Variants in MAP3K5 observed in about 807,000 individuals in gnomAD.
MAP3K5 encodes mitogen-activated protein kinase kinase kinase 5, also known as ASK-1.
In MAP3K5, 56 loss-of-function variants were observed where a neutral mutation model predicts 158.7. The ratio of observed to expected loss-of-function variants is 0.35; its 90% CI spans 0.28 to 0.44. The LOEUF is 0.44. Ranked by LOEUF, MAP3K5 falls within the 20% of genes least tolerant of loss-of-function variation. MAP3K5 has a pLI of 1.00. For synonymous variants in MAP3K5, 579 were observed against 601.7 expected (o/e 0.96, Z 0.55); for missense variants, 1,294 against 1,674.8 (o/e 0.77, Z 3.97).
At chr6:136,746,525 A>C (rs925513591) in intron 1 of MAP3K5, among the ~76,000 whole-genome samples, 1 of 152,220 alleles carries the variant, frequency 6.6e-6, no homozygotes, top group Non-Finnish European at 1.5e-5. Flanking sequence ...CACAATTGAA[A>C]GTGGTATGCA....
At chr6:136,681,375 T>C (rs1448792926) in intron 7 of MAP3K5, among the ~76,000 whole-genome samples, 1 of 152,200 alleles carries the variant, frequency 6.6e-6, no homozygotes, top group Non-Finnish European at 1.5e-5. Context: ...GGTTCACGAC[T>C]GTAATCCCAG....
intron 7 of MAP3K5, among the ~76,000 whole-genome samples, chr6:136,677,338 C>T (rs534649246): frequency 3.2e-4 from 49 of 151,616 alleles, no homozygotes; most frequent in Non-Finnish European, 1.3e-4. Context: ...AGGGTTTCAC[C>T]GTGTTAACCA....
intron 10 of MAP3K5, among the ~76,000 whole-genome samples, chr6:136,655,434 T>C (rs1778699685): frequency 1.3e-5 from 2 of 152,242 alleles, no homozygotes; most frequent in Admixed American, 6.5e-5. Flanking sequence ...AGCATGCTCA[T>C]GTCAGCAATG....
chr6:136,659,121 G>T, intron 9 of MAP3K5, 98 bp downstream of exon 9: 1 of 1,062,852 alleles, frequency 9.4e-7, no homozygotes, highest in Non-Finnish European at 1.4e-6. Context: ...TATTTTATAA[G>T]CAAATAAAAT....
At chr6:136,684,313 G>A (rs749508209) in intron 7 of MAP3K5, among the ~76,000 whole-genome samples, 5 of 151,828 alleles carry the variant, frequency 3.3e-5, no homozygotes, top group South Asian at 4.2e-4. Flanking sequence ...GCACAGAAAC[G>A]TTGTGTGAAC....
intron 21 of MAP3K5, among the ~76,000 whole-genome samples, chr6:136,597,370 C>T (rs1024986364): frequency 8.5e-5 from 13 of 152,152 alleles, no homozygotes; most frequent in African/African-American, 3.1e-4. Context: ...TTCTAAATCC[C>T]TTCCATTGCT....
chr6:136,753,425 C>T (rs1783313100), intron 1 of MAP3K5, among the ~76,000 whole-genome samples: 1 of 151,950 alleles, frequency 6.6e-6, no homozygotes, highest in Non-Finnish European at 1.5e-5. Context: ...ATGAATCTCT[C>T]TTGGCCTTGC....
chr6:136,656,693 C>T (rs1472112629), intron 9 of MAP3K5, among the ~76,000 whole-genome samples: 2 of 151,632 alleles, frequency 1.3e-5, no homozygotes, highest in African/African-American at 4.9e-5. Flanking sequence ...GGTGTAATCT[C>T]GGCTCACTGC....
intron 25 of MAP3K5, among the ~76,000 whole-genome samples, chr6:136,577,141 T>C (rs918542558): frequency 6.6e-6 from 1 of 152,208 alleles, no homozygotes; most frequent in Non-Finnish European, 1.5e-5. Flanking sequence ...TCTTCTGAAA[T>C]GGCAGGTTAA....
At chr6:136,592,372 T>C in intron 22 of MAP3K5, 31 bp from the exon 23 acceptor site, 1 of 1,595,260 alleles carries the variant, frequency 6.3e-7, no homozygotes, top group Non-Finnish European at 8.5e-7. Context: ...TAAATCACAG[T>C]TCCCTTTATA....
At chr6:136,729,810 G>A (rs576314506) in intron 1 of MAP3K5, among the ~76,000 whole-genome samples, 21 of 152,222 alleles carry the variant, frequency 1.4e-4, no homozygotes, top group South Asian at 6.2e-4. Flanking sequence ...GGAGTCATCC[G>A]AGAGAGCGTG....
chr6:136,679,434 T>C (rs1286339614), intron 7 of MAP3K5, among the ~76,000 whole-genome samples: 2 of 152,118 alleles, frequency 1.3e-5, no homozygotes, highest in Non-Finnish European at 2.9e-5. Context: ...TAGAATTTCA[T>C]GTTTTTTTTT....
intron 1 of MAP3K5, among the ~76,000 whole-genome samples, chr6:136,775,027 T>C (rs770659682): frequency 2.0e-5 from 3 of 152,326 alleles, no homozygotes; most frequent in East Asian, 1.9e-4. Context: ...ATGATTTGAA[T>C]ACTGAATCCT....
In MAP3K5 at chr6:136,754,709, T is replaced by C. The variant is rs1783393863; in HGVS notation, c.449-34120A>G. ...GGTTTTGCATGGGCACAGTAAGATG[T>C]CCAGAAGAATGCTTCGGGAAGAACA... On this transcript the variant is annotated intron_variant, in intron 1 of 29. Coordinates refer to ENST00000359015, the MANE Select transcript of MAP3K5 (RefSeq NM_005923.4). 1.3e-5 allele frequency among the ~76,000 whole-genome samples: 2 copies of C among 152,130 alleles called. 1 individual carries two copies. Among genetic ancestry groups the C allele is most frequent in the Admixed American group, 1.3e-4 (2 of 15,274 alleles).
intron 7 of MAP3K5, among the ~76,000 whole-genome samples, chr6:136,689,213 C>T (rs374849726): frequency 4.3e-4 from 65 of 152,226 alleles, no homozygotes; most frequent in Middle Eastern, 3.4e-3. Context: ...GGCAGGAGGA[C>T]TGCCTGAGGC....
At chr6:136,617,390 A>G (rs1223075573) in intron 15 of MAP3K5, among the ~76,000 whole-genome samples, 1 of 152,234 alleles carries the variant, frequency 6.6e-6, no homozygotes, top group East Asian at 1.9e-4. Context: ...AATCAGAGAT[A>G]CTTACATATT....
At position 136,692,349 on chromosome 6, in the gene MAP3K5, G is replaced by C. The variant is rs374427964; in HGVS notation, c.1253+1791C>G. ...GGTGGTTCACCTTGTTCACACAAAG[G>C]CTTATCCCACTCAATGTCCAGGTCC... is the stretch of plus-strand genomic sequence containing the variant. On this transcript the variant is annotated intron_variant, in intron 7 of 29. Transcript: ENST00000359015. 1.2e-4 allele frequency among the ~76,000 whole-genome samples: 18 copies of C among 151,994 alleles called. No homozygotes were observed. The East Asian group carries it at 1.7e-3, about 15-fold the overall frequency.
intron 8 of MAP3K5, among the ~76,000 whole-genome samples, chr6:136,664,566 T>C (rs543963048): frequency 6.6e-6 from 1 of 152,270 alleles, no homozygotes; most frequent in East Asian, 1.9e-4. Context: ...CTTGGGATTA[T>C]TTGACTTATT....
chr6:136,684,796 T>C (rs1780079331), intron 7 of MAP3K5, among the ~76,000 whole-genome samples: 2 of 152,150 alleles, frequency 1.3e-5, no homozygotes, highest in Admixed American at 6.5e-5. Flanking sequence ...ATGAGAAAAA[T>C]GCCACAGCCT....
Sources: allele counts gnomAD v4.1 joint callset (sites outside exome capture counted in the v4.1 genomes callset), GRCh38; gene constraint gnomAD v4.1.1; transcripts MANE v1.5; gene names NCBI Gene and HGNC (gene_info 2026-07-23, HGNC 2026-07-21).